Variants in JAKMIP1 observed in about 807,000 individuals in gnomAD.
The protein encoded by JAKMIP1 is janus kinase and microtubule-interacting protein 1.
In JAKMIP1, 33 loss-of-function variants were observed where a neutral mutation model predicts 113.0. The ratio of observed to expected loss-of-function variants is 0.29; its 90% confidence interval spans 0.22 to 0.39. JAKMIP1 has a LOEUF of 0.39. Among genes scored for constraint, JAKMIP1 ranks in the 10% least tolerant of loss-of-function variants. The probability of loss-of-function intolerance (pLI) is 1.00; values close to 1 mark genes in which losing one functional copy is unlikely to be tolerated. For synonymous variants in JAKMIP1, 480 were observed against 459.9 expected (o/e 1.04, Z -0.56); for missense variants, 813 against 1,080.5 (o/e 0.75, Z 3.47).
chr4:6,164,267 A>G (rs1034920660), intron 1 of JAKMIP1, among the ~76,000 whole-genome samples: 2 of 152,222 alleles, frequency 1.3e-5, no homozygotes, highest in Non-Finnish European at 2.9e-5. Flanking sequence ...ATTTCCCATT[A>G]GGAGATCCTA....
Position 6,192,256 on chromosome 4 carries a change from C to T in JAKMIP1, c.-148+7997G>A, listed in dbSNP as rs1449832988. Among the ~76,000 whole-genome samples, 4 of 152,132 alleles carry T rather than the reference C, an allele frequency of 2.6e-5. No homozygotes were observed. The East Asian group carries it at 7.7e-4, about 29-fold the overall frequency. On this transcript the variant is annotated intron_variant, in intron 1 of 20. Transcript: ENST00000409021. This position sits in a 1 kb window ranked among gnomAD's most constrained non-coding sequence, Gnocchi z 5.0. ...CCAGGGTGTATTTTTCACTCACAGT[C>T]CATCTCAGTCCACAGGAGCCGCATT...
At chr4:6,038,447 A>C (rs1578055522) in intron 18 of JAKMIP1, among the ~76,000 whole-genome samples, 1 of 144,438 alleles carries the variant, frequency 6.9e-6, no homozygotes, top group Admixed American at 6.7e-5. Context: ...ACCGAGGCAG[A>C]GGCTAACCGG....
In JAKMIP1 at chr4:6,054,868, A is replaced by G. The variant is rs1025504832; in HGVS notation, c.1708-720T>C. 4 of 456,544 alleles carry G rather than the reference A, an allele frequency of 8.8e-6. No homozygotes were observed. In the East Asian group the frequency reaches 2.8e-4, roughly 32 times the overall value. The allele number at this position is 456,544 out of a possible 1,614,324, so 28.3% of individuals were successfully genotyped here. A position where few individuals can be genotyped will look rare whatever the true frequency, so the allele number is the denominator to read the frequency against. ...TCATAGCACCATTACAGAAGGCTAG[A>G]GGGGGGCCCTCTGCCAGGTGATCCC... is the stretch of plus-strand genomic sequence containing the variant. On this transcript the variant is annotated intron_variant, in intron 12 of 20. Transcript: ENST00000409021.
chr4:6,066,863 C>T (rs754073987), intron 8 of JAKMIP1, among the ~76,000 whole-genome samples: 13 of 152,182 alleles, frequency 8.5e-5, no homozygotes, highest in Non-Finnish European at 1.8e-4. Flanking sequence ...CCCATCCTGC[C>T]CTGGCATCAT....
At chr4:6,111,288 C>A (rs984043384) in intron 2 of JAKMIP1, among the ~76,000 whole-genome samples, 1 of 152,218 alleles carries the variant, frequency 6.6e-6, no homozygotes, top group Admixed American at 6.5e-5. Flanking sequence ...AGCCAGAGGG[C>A]ACCTTCGGGG....
At chr4:6,073,149 T>A (rs1335145108) in intron 8 of JAKMIP1, among the ~76,000 whole-genome samples, 1 of 151,286 alleles carries the variant, frequency 6.6e-6, no homozygotes, top group Non-Finnish European at 1.5e-5. Flanking sequence ...GCTGCCAGTG[T>A]CTGTCCTTCC....
Position 6,050,436 on chromosome 4 carries a change from T to G in JAKMIP1, c.1908+142A>C. On this transcript the variant is annotated intron_variant, in intron 14 of 20. Transcript: ENST00000409021. This position sits in a 1 kb window ranked among gnomAD's most constrained non-coding sequence, Gnocchi z 7.4. ...AGAGTCACATTTGGTGACCCTTTAA[T>G]AAATGGACAAACTGTGACTTTCAAC... 1.6e-6 allele frequency: 1 copy of G among 643,980 alleles called. No individual in the cohort carries two copies. Among genetic ancestry groups the G allele is most frequent in the Non-Finnish European group, 2.7e-6 (1 of 365,748 alleles). 39.9% of individuals were successfully genotyped at this position (643,980 alleles called of 1,614,324 possible). A position where few individuals can be genotyped will look rare whatever the true frequency, so the allele number is the denominator to read the frequency against.
chr4:6,032,406 C>G (rs1712821704), intron 19 of JAKMIP1, among the ~76,000 whole-genome samples: 1 of 152,122 alleles, frequency 6.6e-6, no homozygotes, highest in African/African-American at 2.4e-5. Context: ...ATCTGATGAC[C>G]TGGGTTCACA....
At chr4:6,164,547 A>G (rs1231327846) in intron 1 of JAKMIP1, among the ~76,000 whole-genome samples, 1 of 152,210 alleles carries the variant, frequency 6.6e-6, no homozygotes, top group African/African-American at 2.4e-5. Context: ...TTTAAGAAAT[A>G]TATTTTGTGA....
chr4:6,154,148 C>G lies in JAKMIP1; in HGVS notation c.-147-41151G>C, dbSNP rs1454886573. Reference sequence around the variant, plus strand: ...TCCTGCAGAGCTGATAAACCCTGCACTCAGGGAGACACTGACCCTCGCAGG... The same window carrying G: ...TCCTGCAGAGCTGATAAACCCTGCAGTCAGGGAGACACTGACCCTCGCAGG... On this transcript the variant is annotated intron_variant, in intron 1 of 20. Coordinates refer to ENST00000409021, the MANE Select transcript of JAKMIP1 (RefSeq NM_001099433.2). The surrounding 1 kb of genome is among the most constrained non-coding windows in gnomAD (Gnocchi z 4.2). Among the ~76,000 whole-genome samples, 5 of 152,196 alleles carry G rather than the reference C, an allele frequency of 3.3e-5. No homozygotes were observed. The highest frequency in any genetic ancestry group is 3.3e-4 in the Admixed American group (5 of 15,286).
chr4:6,027,482 T>A (rs1441107207), intron 20 of JAKMIP1, among the ~76,000 whole-genome samples: 1 of 152,158 alleles, frequency 6.6e-6, no homozygotes, highest in Admixed American at 6.5e-5. Context: ...TTTCTGGCAA[T>A]GACGAAGGGA....
In JAKMIP1 at chr4:6,029,565, G is replaced by A. The variant is rs773048877; in HGVS notation, c.2445+151C>T. On this transcript the variant is annotated intron_variant, in intron 20 of 20. Transcript: ENST00000409021. ...CAGAAAGGAATTTTGAGGAACTAGC[G>A]ATTTCCATGAGATGCTGATTTAGGG... The A allele has an allele frequency of 4.7e-4, 292 of 623,480 alleles. 5 individuals carry two copies. Among genetic ancestry groups the A allele is most frequent in the Middle Eastern group, 1.3e-3 (5 of 3,926 alleles). The allele number at this position is 623,480 out of a possible 1,614,324, so 38.6% of individuals were successfully genotyped here. A position where few individuals can be genotyped will look rare whatever the true frequency, so the allele number is the denominator to read the frequency against.
intron 19 of JAKMIP1, among the ~76,000 whole-genome samples, chr4:6,033,221 G>A (rs1227769941): frequency 6.6e-6 from 1 of 152,164 alleles, no homozygotes; most frequent in Non-Finnish European, 1.5e-5. Context: ...GCACCCTGTG[G>A]GCCAGATTCC....
At chr4:6,112,694 C>A (rs1609743) in intron 2 of JAKMIP1, 28 bp downstream of exon 2, 770,087 of 1,604,806 alleles carry the variant, frequency 0.48, 191,665 homozygotes, top group Admixed American at 0.68. Context: ...TGCAGCCCAG[C>A]CGCTGCTGAG....
At chr4:6,085,952 C>A (rs867259603) in intron 3 of JAKMIP1, among the ~76,000 whole-genome samples, 1 of 152,162 alleles carries the variant, frequency 6.6e-6, no homozygotes, top group African/African-American at 2.4e-5. Context: ...CCCAGCCAGG[C>A]CTCTGCAGCT....
rs968638362 is a variant in JAKMIP1 at position 6,061,844 on chromosome 4, A to G, written c.1560+468T>C. Among the ~76,000 whole-genome samples, 1 of 152,178 alleles carries G rather than the reference A, an allele frequency of 6.6e-6. No homozygotes were observed. Among genetic ancestry groups the G allele is most frequent in the Non-Finnish European group, 1.5e-5 (1 of 68,042 alleles). On this transcript the variant is annotated intron_variant, in intron 10 of 20. Coordinates refer to ENST00000409021, the MANE Select transcript of JAKMIP1 (RefSeq NM_001099433.2). This position sits in a 1 kb window ranked among gnomAD's most constrained non-coding sequence, Gnocchi z 5.3. ...GTTTCCAGAAGGCAGAGCTCAGCCT[A>G]GCCTGAGGAATGGCGTGGCCTGGAC...
chr4:6,060,527 G>T lies in JAKMIP1; in HGVS notation c.1561-20C>A. The T allele has an allele frequency of 6.3e-7, 1 of 1,597,792 alleles. No individual in the cohort carries two copies. On this transcript the variant is annotated intron_variant, in intron 10 of 20. Transcript: ENST00000409021. ...CCGAGTCTGGAAGGGAAAAGACCAG[G>T]CAGTGAGCAGGTCACCTCCAATGGG...
Position 6,143,574 on chromosome 4 carries a change from T to C in JAKMIP1, c.-147-30577A>G, listed in dbSNP as rs1009752886. ...CAGCCCCTGGATAATATTTTTAAACTTTTCAGTTAATTTTGGCACCTCCCC... is the reference window on the plus strand; with the variant it reads ...CAGCCCCTGGATAATATTTTTAAACCTTTCAGTTAATTTTGGCACCTCCCC... On this transcript the variant is annotated intron_variant, in intron 1 of 20. Transcript: ENST00000409021. This position sits in a 1 kb window ranked among gnomAD's most constrained non-coding sequence, Gnocchi z 4.9. Among the ~76,000 whole-genome samples, 1 of 152,192 alleles carries C rather than the reference T, an allele frequency of 6.6e-6. No homozygotes were observed. The highest frequency in any genetic ancestry group is 6.5e-5 in the Admixed American group (1 of 15,288).
chr4:6,109,713 C>T (rs563196874), intron 2 of JAKMIP1, among the ~76,000 whole-genome samples: 2 of 152,166 alleles, frequency 1.3e-5, no homozygotes, highest in African/African-American at 2.4e-5. Context: ...ACGTTTACCA[C>T]CCTCCTTCAT....
Sources: gnomAD v4.1 joint callset for allele counts (sites outside exome capture counted in the v4.1 genomes callset) on GRCh38, gnomAD v4.1.1 for gene constraint, Gnocchi (gnomAD v3.1) non-coding constraint, MANE v1.5 for transcripts, NCBI Gene and HGNC (gene_info 2026-07-23, HGNC 2026-07-21) for gene names.